The following ZRANB3 variants were observed in gnomAD, a reference collection of about 807,000 sequenced individuals.
ZRANB3 encodes the protein zinc finger RANBP2-type containing 3, also known as DNA annealing helicase and endonuclease ZRANB3.
ZRANB3 carries 125 observed loss-of-function variants against 133.8 expected under a neutral mutation model. The observed-to-expected ratio is 0.93, with a 90% confidence interval of 0.81 to 1.08. ZRANB3 has a LOEUF of 1.08. Ranked by LOEUF, ZRANB3 falls within the 50% of genes least tolerant of loss-of-function variation. ZRANB3 has a pLI of 0.00. For synonymous variants in ZRANB3, 387 were observed against 432.7 expected, an observed-to-expected ratio of 0.89 and a Z score of 1.31; for missense variants, 1,229 against 1,275.5, an observed-to-expected ratio of 0.96 and a Z score of 0.56.
intron 8 of ZRANB3, among the ~76,000 whole-genome samples, chr2:135,291,152 G>A (rs748393119): frequency 6.6e-6 from 1 of 151,372 alleles, no homozygotes; most frequent in Non-Finnish European, 1.5e-5. Flanking sequence ...GTGAGCCACT[G>A]CGCCTGGCCC....
intron 8 of ZRANB3, among the ~76,000 whole-genome samples, chr2:135,311,149 T>C (rs1189791211): frequency 2.6e-5 from 4 of 152,084 alleles, no homozygotes; most frequent in East Asian, 1.9e-4. Context: ...CATATAAATA[T>C]GGACTCAATA....
chr2:135,340,182 T>A, intron 6 of ZRANB3, among the ~76,000 whole-genome samples: 1 of 147,656 alleles, frequency 6.8e-6, no homozygotes. Flanking sequence ...CTCGGCTCAC[T>A]ACAACCTCCG....
chr2:135,234,071 T>C (rs551128396), intron 12 of ZRANB3, among the ~76,000 whole-genome samples: 4 of 152,230 alleles, frequency 2.6e-5, no homozygotes, highest in South Asian at 4.1e-4. Flanking sequence ...GAGACACGCA[T>C]AGGCTCAAAA....
intron 1 of ZRANB3, among the ~76,000 whole-genome samples, chr2:135,512,784 A>G (rs989449209): frequency 6.6e-6 from 1 of 152,050 alleles, no homozygotes; most frequent in Non-Finnish European, 1.5e-5. Flanking sequence ...TTTAGCCTCA[A>G]AATATATCTT....
chr2:135,302,327 T>C (rs572792367), intron 8 of ZRANB3, among the ~76,000 whole-genome samples: 4 of 152,112 alleles, frequency 2.6e-5, no homozygotes, highest in African/African-American at 9.7e-5. Flanking sequence ...GAAGTTCTAT[T>C]AGAGAGGGAA....
At chr2:135,419,375 C>CGT (rs963568775) in intron 2 of ZRANB3, among the ~76,000 whole-genome samples, 4 of 151,156 alleles carry the variant, frequency 2.6e-5, no homozygotes, top group Admixed American at 6.6e-5. Context: ...GACATACACA[C>CGT]GTGTGTGTGT....
rs778572256 is a variant in ZRANB3, at chr2:135,504,311, G to A, written c.161+18C>T. 1 of 1,611,940 alleles carries A rather than the reference G, an allele frequency of 6.2e-7. No homozygotes were observed. The highest frequency in any genetic ancestry group is 8.5e-7 in the Non-Finnish European group (1 of 1,179,056). ...TCCAGGAATTTAACATTTTTAGCAT[G>A]TCTTCAAAGAACTTTACCTGCCATT... On this transcript the variant is annotated intron_variant, in intron 2 of 20. Transcript: ENST00000264159.
At chr2:135,477,264 C>T (rs925199478) in intron 2 of ZRANB3, among the ~76,000 whole-genome samples, 6 of 152,176 alleles carry the variant, frequency 3.9e-5, no homozygotes, top group Non-Finnish European at 7.3e-5. Context: ...ACTTCAAAGG[C>T]AAGCGATGAT....
At chr2:135,371,159 C>T (rs1325034035) in intron 3 of ZRANB3, among the ~76,000 whole-genome samples, 2 of 152,114 alleles carry the variant, frequency 1.3e-5, no homozygotes, top group Non-Finnish European at 2.9e-5. Context: ...AAAATTTAAG[C>T]TCATTACTCA....
chr2:135,264,511 A>G (rs1372136648), intron 12 of ZRANB3, among the ~76,000 whole-genome samples: 1 of 151,626 alleles, frequency 6.6e-6, no homozygotes, highest in Non-Finnish European at 1.5e-5. Context: ...AAGAAAAACC[A>G]TTTCAAAGGT....
At chr2:135,481,655 A>G (rs1301464786) in intron 2 of ZRANB3, among the ~76,000 whole-genome samples, 1 of 149,966 alleles carries the variant, frequency 6.7e-6, no homozygotes, top group Non-Finnish European at 1.5e-5. Flanking sequence ...TTTTGTTGCC[A>G]TTGCTTTTGG....
rs147405395 is a variant in ZRANB3, at chr2:135,309,270, C to T, written c.966+4219G>A. ...TGCTGGGATTACAGGTGTGAGCCAC[C>T]GCACCCAGCCGCAATAACATCATAT... On this transcript the variant is annotated intron_variant, in intron 8 of 20. Coordinates refer to ENST00000264159, the MANE Select transcript of ZRANB3 (RefSeq NM_032143.4). Among the ~76,000 whole-genome samples, 452 of 152,154 alleles carry T rather than the reference C, an allele frequency of 3.0e-3. 2 individuals are homozygous for T. Among genetic ancestry groups the T allele is most frequent in the African/African-American group, 0.01 (420 of 41,518 alleles).
At chr2:135,452,315 T>G (rs1690313178) in intron 2 of ZRANB3, among the ~76,000 whole-genome samples, 1 of 152,084 alleles carries the variant, frequency 6.6e-6, no homozygotes, top group African/African-American at 2.4e-5. Context: ...GAGATACAAT[T>G]CAAGTTGAGA....
intron 12 of ZRANB3, among the ~76,000 whole-genome samples, chr2:135,260,979 T>C (rs186502144): frequency 6.6e-4 from 98 of 147,528 alleles, no homozygotes; most frequent in African/African-American, 2.4e-3. Context: ...TATTATATAC[T>C]ATATATGTAG....
intron 2 of ZRANB3, among the ~76,000 whole-genome samples, chr2:135,439,684 C>T (rs1394688622): frequency 6.6e-6 from 1 of 152,212 alleles, no homozygotes; most frequent in African/African-American, 2.4e-5. Context: ...TTTGACTACA[C>T]ACTGGAATCA....
At chr2:135,494,317 A>C (rs1370021428) in intron 2 of ZRANB3, among the ~76,000 whole-genome samples, 4 of 151,508 alleles carry the variant, frequency 2.6e-5, no homozygotes, top group African/African-American at 7.3e-5. Context: ...CAAAAAAAAA[A>C]AAAAAAGAAA....
intron 6 of ZRANB3, among the ~76,000 whole-genome samples, chr2:135,338,571 T>C (rs1684475842): frequency 6.6e-6 from 1 of 152,252 alleles, no homozygotes; most frequent in African/African-American, 2.4e-5. Context: ...AATCAGTGCG[T>C]GTGTTTTACA....
chr2:135,437,022 C>T (rs753120586), intron 2 of ZRANB3, among the ~76,000 whole-genome samples: 4 of 152,150 alleles, frequency 2.6e-5, no homozygotes, highest in Non-Finnish European at 5.9e-5. Context: ...TGCAGTGGTG[C>T]GATCTCGGCT....
chr2:135,278,725 A>C (rs1260756555), intron 8 of ZRANB3, among the ~76,000 whole-genome samples: 1 of 152,214 alleles, frequency 6.6e-6, no homozygotes, highest in Admixed American at 6.5e-5. Context: ...AAAAACCTTT[A>C]TAATTATTAA....
Sources: gnomAD v4.1 joint callset for allele counts (sites outside exome capture counted in the v4.1 genomes callset) on GRCh38, gnomAD v4.1.1 for gene constraint, MANE v1.5 for transcripts, NCBI Gene and HGNC (gene_info 2026-07-23, HGNC 2026-07-21) for gene names.